Variants in FGF13 observed in about 807,000 individuals in gnomAD.
FGF13 encodes the protein fibroblast growth factor 13.
A neutral mutation model predicts 19.5 loss-of-function variants in FGF13; 2 were observed. The ratio of observed to expected loss-of-function variants is 0.10; its 90% CI spans 0.04 to 0.32. The LOEUF is 0.32. Among genes scored for constraint, FGF13 ranks in the 10% least tolerant of loss-of-function variants. FGF13 has a pLI of 1.00. For synonymous variants in FGF13, 72 were observed against 76.9 expected (o/e 0.94, Z 0.33); for missense variants, 113 against 192.7 (o/e 0.59, Z 2.45).
At chrX:138,821,231 T>C (rs1375855872) in intron 3 of FGF13, among the ~76,000 whole-genome samples, 2 of 111,696 alleles carry the variant, frequency 1.8e-5, no homozygotes, top group African/African-American at 6.5e-5. Context: ...AGAGATAGCT[T>C]ATAACTGCAT....
intron 3 of FGF13, among the ~76,000 whole-genome samples, chrX:138,835,592 G>A (rs2091107071): frequency 8.9e-6 from 1 of 111,994 alleles, no homozygotes. Context: ...GCATACCAAT[G>A]GGTCTTTGAT....
chrX:138,917,928 T>C lies in FGF13; in HGVS notation c.-112-53278A>G, dbSNP rs1421990609. Among the ~76,000 whole-genome samples the C allele has an allele frequency of 2.7e-5, 3 of 111,306 alleles. No homozygotes were observed. In the East Asian group the frequency reaches 8.5e-4, roughly 32 times the overall value. Reference sequence around the variant, plus strand: ...AAAGGAGGTTCTATTTTCCCTCACTTACCATCAGAACAATCTTCCTGAGTT... The same window carrying C: ...AAAGGAGGTTCTATTTTCCCTCACTCACCATCAGAACAATCTTCCTGAGTT... On this transcript the variant is annotated intron_variant, in intron 1 of 2. Coordinates refer to the FGF13 transcript ENST00000421460.
chrX:139,131,382 GGT>G (rs10541863), intron 1 of FGF13, among the ~76,000 whole-genome samples: 26,570 of 91,085 alleles, frequency 0.29, 3,676 homozygotes, highest in South Asian at 0.45. Flanking sequence ...AATATAGAGG[GGT>G]GTGTGTGTGT....
At chrX:138,776,480 T>A (rs2090588542) in intron 3 of FGF13, among the ~76,000 whole-genome samples, 2 of 112,228 alleles carry the variant, frequency 1.8e-5, no homozygotes, top group African/African-American at 6.5e-5. Context: ...GCTGTTTTAA[T>A]TTCCATTTTG....
At chrX:139,101,050 G>A (rs1421318881) in intron 1 of FGF13, among the ~76,000 whole-genome samples, 3 of 111,520 alleles carry the variant, frequency 2.7e-5, no homozygotes, top group Non-Finnish European at 3.8e-5. Flanking sequence ...AATGTGTCCA[G>A]TACTCAAATA....
chrX:138,846,185 T>TTGTGTG (rs200911113), intron 3 of FGF13, among the ~76,000 whole-genome samples: 2,096 of 96,521 alleles, frequency 0.022, 26 homozygotes, highest in South Asian at 0.033. Context: ...ATGTGTCCAT[T>TTGTGTG]TGTGTGTGTG....
intron 3 of FGF13, among the ~76,000 whole-genome samples, chrX:138,672,697 G>A (rs894037432): frequency 1.9e-4 from 21 of 111,745 alleles, no homozygotes; most frequent in African/African-American, 6.5e-4. Flanking sequence ...GAGAATTTGG[G>A]GAATCACCAG....
chrX:139,124,940 G>A (rs1603210930), intron 1 of FGF13, among the ~76,000 whole-genome samples: 1 of 111,436 alleles, frequency 9.0e-6, no homozygotes, highest in African/African-American at 3.3e-5. Context: ...TAGGAAGAGG[G>A]TGCGACTGCT....
At chrX:139,157,560 T>G (rs973802676) in intron 1 of FGF13, among the ~76,000 whole-genome samples, 7 of 112,642 alleles carry the variant, frequency 6.2e-5, no homozygotes, top group Non-Finnish European at 1.3e-4. Flanking sequence ...CATGTTGTGA[T>G]GCAGCAAGAA....
chrX:139,083,961 C>G (rs1481646447), intron 1 of FGF13, among the ~76,000 whole-genome samples: 1 of 110,876 alleles, frequency 9.0e-6, no homozygotes, highest in African/African-American at 3.3e-5. Context: ...GCTCAGGAAG[C>G]CAGTCAGCCT....
intron 1 of FGF13, among the ~76,000 whole-genome samples, chrX:139,075,331 A>G (rs2092388497): frequency 8.9e-6 from 1 of 111,977 alleles, no homozygotes; most frequent in African/African-American, 3.2e-5. Flanking sequence ...CTGGTGGCTC[A>G]GTGGGGACTA....
intron 2 of FGF13, among the ~76,000 whole-genome samples, chrX:138,706,081 GCTT>G (rs756360156): frequency 1.7e-4 from 19 of 112,392 alleles, no homozygotes; most frequent in Non-Finnish European, 3.4e-4. Context: ...CTGAAGCCAT[GCTT>G]CTTCATCAGT....
intron 1 of FGF13, among the ~76,000 whole-genome samples, chrX:139,181,670 C>T (rs1253741825): frequency 8.9e-6 from 1 of 112,414 alleles, no homozygotes; most frequent in African/African-American, 3.2e-5. Flanking sequence ...TACACTAGTC[C>T]CTGCCTTCAA....
intron 3 of FGF13, among the ~76,000 whole-genome samples, chrX:138,797,153 T>C (rs939669460): frequency 3.6e-5 from 4 of 112,004 alleles, no homozygotes; most frequent in African/African-American, 1.3e-4. Context: ...TGAATGGTAT[T>C]GCCTAGGTTT....
chrX:139,093,707 A>C (rs761853210), intron 1 of FGF13, among the ~76,000 whole-genome samples: 1 of 111,916 alleles, frequency 8.9e-6, no homozygotes, highest in East Asian at 2.8e-4. Flanking sequence ...CTGGATTTCC[A>C]TGGAGCCAAG....
intron 1 of FGF13, among the ~76,000 whole-genome samples, chrX:138,963,534 A>T (rs773300019): frequency 1.3e-4 from 15 of 112,132 alleles, no homozygotes; most frequent in Non-Finnish European, 2.3e-4. Context: ...GGGCTGTCAG[A>T]CTTATTTGCT....
intron 1 of FGF13, among the ~76,000 whole-genome samples, chrX:139,110,924 C>T (rs1347217530): frequency 1.8e-5 from 2 of 111,532 alleles, no homozygotes; most frequent in Admixed American, 9.6e-5. Flanking sequence ...CCTCTCTGCA[C>T]GTAAAAGCAG....
At chrX:139,157,554 T>C (rs1450195882) in intron 1 of FGF13, among the ~76,000 whole-genome samples, 1 of 112,579 alleles carries the variant, frequency 8.9e-6, no homozygotes, top group Non-Finnish European at 1.9e-5. Context: ...CTTCACCATG[T>C]TGTGATGCAG....
At chrX:138,902,730 T>C (rs181402777) in intron 1 of FGF13, among the ~76,000 whole-genome samples, 5 of 112,003 alleles carry the variant, frequency 4.5e-5, no homozygotes, top group Admixed American at 3.8e-4. Context: ...ATTTGGGTAA[T>C]GGTTTTTTGA....
Sources: gnomAD v4.1 joint callset for allele counts (sites outside exome capture counted in the v4.1 genomes callset) on GRCh38, gnomAD v4.1.1 for gene constraint, MANE v1.5 for transcripts, NCBI Gene and HGNC (gene_info 2026-07-23, HGNC 2026-07-21) for gene names.